Variants in DCC observed in about 807,000 individuals in gnomAD.
DCC encodes the protein netrin receptor DCC.
A neutral mutation model predicts 172.5 loss-of-function variants in DCC; 58 were observed. The ratio of observed to expected loss-of-function variants is 0.34; its 90% confidence interval spans 0.27 to 0.42. DCC has a LOEUF of 0.42. Ranked by LOEUF, DCC falls within the 10% of genes least tolerant of loss-of-function variation. The probability of loss-of-function intolerance (pLI) is 1.00; values close to 1 mark genes in which losing one functional copy is unlikely to be tolerated. For missense variants in DCC, 1,740 were observed against 1,791.0 expected (o/e 0.97, Z 0.51); for synonymous variants, 709 against 644.5 (o/e 1.10, Z -1.52).
At chr18:53,499,602 A>C in intron 27 of DCC, 92 bp downstream of exon 27, 2 of 1,041,010 alleles carry the variant, frequency 1.9e-6, no homozygotes, top group Non-Finnish European at 3.0e-6. Flanking sequence ...CCTAGATGTC[A>C]TATATCTTTT....
At chr18:52,464,614 A>G (rs1988729994) in intron 1 of DCC, among the ~76,000 whole-genome samples, 1 of 152,232 alleles carries the variant, frequency 6.6e-6, no homozygotes, top group Admixed American at 6.5e-5. Context: ...CCCCAGCATC[A>G]GAAGGTGCTC....
chr18:52,521,094 T>C (rs1178406881), intron 1 of DCC, among the ~76,000 whole-genome samples: 1 of 152,134 alleles, frequency 6.6e-6, no homozygotes, highest in Non-Finnish European at 1.5e-5. Context: ...CTAGGAAACA[T>C]TCGTATTCTT....
rs71175538 is a variant in DCC at position 52,921,705 on chromosome 18, A to AAAT, written c.698-1982_698-1980dup. Among the ~76,000 whole-genome samples the AAAT allele has an allele frequency of 7.7e-4, 113 of 146,898 alleles. 1 individual carries two copies. The highest frequency in any genetic ancestry group is 2.3e-3 in the African/African-American group (93 of 40,192). On this transcript the variant is annotated intron_variant, in intron 3 of 28. Coordinates refer to ENST00000442544, the MANE Select transcript of DCC (RefSeq NM_005215.4). ...CAGAGAGGCTCCATCTCAAAAATAA[A>AAAT]AATAATAATAATAATAATAATATAT...
chr18:53,321,565 T>C (rs766551225), intron 13 of DCC, among the ~76,000 whole-genome samples: 20 of 152,208 alleles, frequency 1.3e-4, no homozygotes, highest in Non-Finnish European at 2.5e-4. Flanking sequence ...TCTTGAAAGA[T>C]GGTTTTAAGA....
intron 7 of DCC, among the ~76,000 whole-genome samples, chr18:53,154,810 A>G (rs1356991470): frequency 6.6e-6 from 1 of 152,126 alleles, no homozygotes; most frequent in Non-Finnish European, 1.5e-5. Flanking sequence ...GCTGAGGGGG[A>G]GGGAGAGAAT....
chr18:53,485,227 A>T (rs1259557532), intron 25 of DCC, among the ~76,000 whole-genome samples: 1 of 152,122 alleles, frequency 6.6e-6, no homozygotes, highest in Non-Finnish European at 1.5e-5. Flanking sequence ...TACTATCTAC[A>T]TGTATCTATA....
At chr18:53,368,250 C>T (rs1334213284) in intron 15 of DCC, among the ~76,000 whole-genome samples, 2 of 152,060 alleles carry the variant, frequency 1.3e-5, no homozygotes, top group Non-Finnish European at 2.9e-5. Flanking sequence ...GGAGAAGTGT[C>T]TATTCATGTC....
At chr18:53,213,264 TCA>T in intron 11 of DCC, among the ~76,000 whole-genome samples, 1 of 152,094 alleles carries the variant, frequency 6.6e-6, no homozygotes, top group East Asian at 1.9e-4. Flanking sequence ...TACTAATTGA[TCA>T]AAAAGTTAGT....
chr18:52,723,339 C>T (rs771378764), intron 1 of DCC, among the ~76,000 whole-genome samples: 4 of 152,150 alleles, frequency 2.6e-5, no homozygotes, highest in African/African-American at 7.2e-5. Flanking sequence ...ACCATTCAGA[C>T]GCTTTACTGG....
chr18:53,351,641 G>A (rs931327303), intron 15 of DCC, among the ~76,000 whole-genome samples: 7 of 149,892 alleles, frequency 4.7e-5, no homozygotes, highest in South Asian at 2.1e-4. Flanking sequence ...AAAACAAACC[G>A]GTGAAGTATT....
chr18:52,949,323 A>G (rs548240457), intron 5 of DCC, among the ~76,000 whole-genome samples: 91 of 152,296 alleles, frequency 6.0e-4, no homozygotes, highest in Middle Eastern at 6.8e-3. Flanking sequence ...AAATACACAT[A>G]AACTGCTGGT....
At chr18:53,032,217 C>T (rs560883622) in intron 5 of DCC, among the ~76,000 whole-genome samples, 45 of 151,978 alleles carry the variant, frequency 3.0e-4, no homozygotes, top group African/African-American at 9.6e-4. Context: ...TCTAGAAGAA[C>T]GTGAGAAAGA....
At chr18:53,428,020 AAT>A (rs1291159466) in intron 21 of DCC, among the ~76,000 whole-genome samples, 1 of 54,564 alleles carries the variant, frequency 1.8e-5, no homozygotes, top group African/African-American at 5.6e-5. Context: ...ATACTATAAT[AAT>A]ATAGAATATA....
At chr18:52,421,635 A>G (rs1283649649) in intron 1 of DCC, among the ~76,000 whole-genome samples, 1 of 152,166 alleles carries the variant, frequency 6.6e-6, no homozygotes, top group African/African-American at 2.4e-5. Flanking sequence ...GAATCAGGTG[A>G]TCTTGGCACT....
At chr18:53,008,600 G>C (rs1031413800) in intron 5 of DCC, among the ~76,000 whole-genome samples, 1 of 151,928 alleles carries the variant, frequency 6.6e-6, no homozygotes, top group Non-Finnish European at 1.5e-5. Flanking sequence ...ATCTTAAGCT[G>C]TGTAACTTTT....
At chr18:52,661,134 G>A (rs991547751) in intron 1 of DCC, among the ~76,000 whole-genome samples, 1 of 152,180 alleles carries the variant, frequency 6.6e-6, no homozygotes, top group African/African-American at 2.4e-5. Context: ...TAATACCCTG[G>A]TGGGGAACAA....
intron 15 of DCC, among the ~76,000 whole-genome samples, chr18:53,363,167 G>T (rs1504743): frequency 9.9e-5 from 15 of 151,996 alleles, no homozygotes; most frequent in Non-Finnish European, 1.6e-4. Context: ...TTACCCACTG[G>T]GCTGTGTTAC....
At chr18:52,515,867 T>C (rs934393627) in intron 1 of DCC, among the ~76,000 whole-genome samples, 2 of 144,032 alleles carry the variant, frequency 1.4e-5, no homozygotes, top group Non-Finnish European at 3.0e-5. Flanking sequence ...AGAACTACTA[T>C]GTAGATTATA....
chr18:52,387,733 ATTGT>A (rs1985869903), intron 1 of DCC, among the ~76,000 whole-genome samples: 2 of 151,834 alleles, frequency 1.3e-5, no homozygotes, highest in South Asian at 2.1e-4. Flanking sequence ...TTCTGGCCTC[ATTGT>A]TTGAGGCCTA....
Sources: allele counts gnomAD v4.1 joint callset (sites outside exome capture counted in the v4.1 genomes callset), GRCh38; gene constraint gnomAD v4.1.1; transcripts MANE v1.5; gene names NCBI Gene and HGNC (gene_info 2026-07-23, HGNC 2026-07-21).